The following FHIT variants were observed in gnomAD, a reference collection of about 807,000 sequenced individuals.
FHIT encodes bis(5'-adenosyl)-triphosphatase.
Under a neutral mutation model 17.9 loss-of-function variants are expected in FHIT, and 19 were observed. The ratio of observed to expected loss-of-function variants is 1.06; its 90% CI spans 0.74 to 1.56. The LOEUF (loss-of-function observed/expected upper bound fraction) is 1.56, where lower values mean the gene tolerates loss of function less well. Ranked by LOEUF, FHIT falls within the 40% of genes most tolerant of loss-of-function variation. The probability of loss-of-function intolerance (pLI) is 0.00; values close to 1 mark genes in which losing one functional copy is unlikely to be tolerated. For missense variants in FHIT, 248 were observed against 189.2 expected, an observed-to-expected ratio of 1.31 and a Z score of -1.82; for synonymous variants, 81 against 69.7, an observed-to-expected ratio of 1.16 and a Z score of -0.81.
In FHIT at chr3:59,881,392, G is replaced by A. The variant is rs370145717; in HGVS notation, c.348+40954C>T. ...ATGTCTTTTAAGAGACACAAAGGAA[G>A]GGGGTACGGGCAATAGCTCATTACT... On this transcript the variant is annotated intron_variant, in intron 8 of 9. Coordinates refer to ENST00000492590, the MANE Select transcript of FHIT (RefSeq NM_002012.4). Among the ~76,000 whole-genome samples, 6 of 152,278 alleles carry A rather than the reference G, an allele frequency of 3.9e-5. No homozygotes were observed. In the East Asian group the frequency reaches 9.6e-4, roughly 24 times the overall value.
At chr3:60,315,533 T>A (rs1360556492) in intron 5 of FHIT, among the ~76,000 whole-genome samples, 1 of 152,148 alleles carries the variant, frequency 6.6e-6, no homozygotes, top group African/African-American at 2.4e-5. Flanking sequence ...ATTTCATGTG[T>A]AGGAAATCAC....
intron 7 of FHIT, among the ~76,000 whole-genome samples, chr3:59,928,299 G>T (rs546714055): frequency 6.6e-6 from 1 of 152,318 alleles, no homozygotes; most frequent in South Asian, 2.1e-4. Flanking sequence ...ATGAATTAAG[G>T]TTATTAAGCA....
intron 8 of FHIT, among the ~76,000 whole-genome samples, chr3:59,833,208 T>C (rs892346009): frequency 6.6e-6 from 1 of 152,186 alleles, no homozygotes. Context: ...AATGGATATG[T>C]TGAAGTCCTA....
At chr3:60,496,702 G>A (rs150125151) in intron 5 of FHIT, among the ~76,000 whole-genome samples, 10 of 152,182 alleles carry the variant, frequency 6.6e-5, no homozygotes, top group East Asian at 3.9e-4. Flanking sequence ...GTTTTACATC[G>A]TCTTAACTGA....
chr3:61,126,009 A>G (rs2106938780), intron 2 of FHIT, among the ~76,000 whole-genome samples: 1 of 152,252 alleles, frequency 6.6e-6, no homozygotes, highest in South Asian at 2.1e-4. Context: ...AGTGACCAAG[A>G]TCCAGTGCTT....
At chr3:61,101,854 TTGTC>T in intron 2 of FHIT, among the ~76,000 whole-genome samples, 1 of 151,492 alleles carries the variant, frequency 6.6e-6, no homozygotes, top group Middle Eastern at 3.4e-3. Flanking sequence ...AGCTCTCTGT[TTGTC>T]TGATAATGGT....
At position 60,057,064 on chromosome 3, in the gene FHIT, T is replaced by C. The variant is rs560635243; in HGVS notation, c.104-42912A>G. 1.9e-4 allele frequency among the ~76,000 whole-genome samples: 29 copies of C among 152,266 alleles called. 2 individuals are homozygous for C. In the South Asian group the frequency reaches 5.4e-3, roughly 28 times the overall value. ...AGGAACACATCCACTATTATGCATG[T>C]CTTCATTCTTTGTCCTGGGTGGAAC... On this transcript the variant is annotated intron_variant, in intron 5 of 9. Coordinates refer to ENST00000492590, the MANE Select transcript of FHIT (RefSeq NM_002012.4).
intron 7 of FHIT, among the ~76,000 whole-genome samples, chr3:60,005,916 G>A (rs1297490668): frequency 6.6e-6 from 1 of 152,174 alleles, no homozygotes. Flanking sequence ...GTTGAGAGCA[G>A]CAGCCCCCTA....
At chr3:60,425,836 C>T (rs996055155) in intron 5 of FHIT, among the ~76,000 whole-genome samples, 1 of 151,920 alleles carries the variant, frequency 6.6e-6, no homozygotes, top group Admixed American at 6.6e-5. Context: ...AGGATCCCAG[C>T]TTAAATCAAA....
Position 60,847,539 on chromosome 3 carries a change from C to CA in FHIT, c.-110-25529dup, listed in dbSNP as rs1365027440. On this transcript the variant is annotated intron_variant, in intron 3 of 9. Transcript: ENST00000492590. ...TATCAAATGAGGAGATCCCCTTTTC[C>CA]AAAAAAAGCATCCCTATCAACTCTC... is the stretch of plus-strand genomic sequence containing the variant. Among the ~76,000 whole-genome samples, 22 of 152,016 alleles carry CA rather than the reference C, an allele frequency of 1.4e-4. No homozygotes were observed. In the South Asian group the frequency reaches 3.9e-3, roughly 27 times the overall value.
At chr3:60,777,344 C>T (rs1399242820) in intron 4 of FHIT, among the ~76,000 whole-genome samples, 4 of 152,210 alleles carry the variant, frequency 2.6e-5, no homozygotes, top group African/African-American at 9.6e-5. Context: ...GGCAGGACAA[C>T]TCAAAGCGGA....
chr3:60,177,690 T>TA (rs1026786075), intron 5 of FHIT, among the ~76,000 whole-genome samples: 32 of 152,340 alleles, frequency 2.1e-4, no homozygotes, highest in African/African-American at 6.7e-4. Flanking sequence ...ACTGTGCATT[T>TA]AGCAATGTCA....
At chr3:60,807,099 T>C (rs961811209) in intron 4 of FHIT, among the ~76,000 whole-genome samples, 6 of 152,190 alleles carry the variant, frequency 3.9e-5, no homozygotes, top group African/African-American at 1.4e-4. Flanking sequence ...CAAGAAATTT[T>C]CAGGCCTCTC....
chr3:60,126,001 T>C (rs1028692007), intron 5 of FHIT, among the ~76,000 whole-genome samples: 2 of 152,180 alleles, frequency 1.3e-5, no homozygotes, highest in East Asian at 1.9e-4. Context: ...GGCTGATCTA[T>C]GTGGACTACA....
chr3:60,777,886 C>G (rs1378113009), intron 4 of FHIT, among the ~76,000 whole-genome samples: 1 of 152,140 alleles, frequency 6.6e-6, no homozygotes, highest in Non-Finnish European at 1.5e-5. Flanking sequence ...CCTCAGTAAT[C>G]TGGAATTCCG....
At chr3:60,451,912 T>A (rs951133822) in intron 5 of FHIT, among the ~76,000 whole-genome samples, 2 of 152,150 alleles carry the variant, frequency 1.3e-5, no homozygotes, top group South Asian at 4.1e-4. Context: ...TAGGCCCACA[T>A]GGGACCCTGA....
chr3:59,981,214 CT>C (rs1244102453), intron 7 of FHIT, among the ~76,000 whole-genome samples: 1 of 152,116 alleles, frequency 6.6e-6, no homozygotes, highest in Non-Finnish European at 1.5e-5. Flanking sequence ...GAATACTATG[CT>C]TTAGATTATT....
intron 2 of FHIT, among the ~76,000 whole-genome samples, chr3:61,101,742 G>A (rs762339821): frequency 1.6e-4 from 24 of 151,926 alleles, no homozygotes; most frequent in Non-Finnish European, 2.8e-4. Context: ...AGCAGTGGTT[G>A]GTAGTTCTCC....
intron 8 of FHIT, among the ~76,000 whole-genome samples, chr3:59,865,681 G>A (rs1415059164): frequency 6.6e-6 from 1 of 152,130 alleles, no homozygotes. Context: ...TGGCTCCTCT[G>A]CAAAGAAGAG....
Sources: gnomAD v4.1 joint callset for allele counts (sites outside exome capture counted in the v4.1 genomes callset) on GRCh38, gnomAD v4.1.1 for gene constraint, MANE v1.5 for transcripts, NCBI Gene and HGNC (gene_info 2026-07-23, HGNC 2026-07-21) for gene names.